Variants in SPATA25 observed in about 807,000 individuals in gnomAD.
SPATA25 encodes the protein spermatogenesis-associated protein 25.
Under a neutral mutation model 16.0 loss-of-function variants are expected in SPATA25, and 16 were observed. That is an observed-to-expected ratio of 1.00 (90% CI 0.68 to 1.52). The LOEUF is 1.52. SPATA25 is among the 40% of genes most tolerant of loss of function. The pLI, the probability that SPATA25 is intolerant of heterozygous loss-of-function variation, is 0.00. For missense variants in SPATA25, 285 were observed against 289.2 expected (o/e 0.99, Z 0.11); for synonymous variants, 115 against 118.5 (o/e 0.97, Z 0.19).
At chr20:45,889,275 A>G (rs916909421), upstream of SPATA25, among the ~76,000 whole-genome samples, 3 of 152,204 alleles carry the variant, frequency 2.0e-5, no homozygotes, top group Non-Finnish European at 2.9e-5. Flanking sequence ...AGCATTAAGA[A>G]GCTCTCAGTC....
upstream of SPATA25, chr20:45,890,288 G>A (rs2145809105): frequency 1.9e-6 from 3 of 1,613,606 alleles, no homozygotes; most frequent in Non-Finnish European, 2.5e-6. Flanking sequence ...GCTCTTTGTG[G>A]AAGCAAACAC....
At chr20:45,888,623 C>A (rs1986574133), upstream of SPATA25, 1 of 799,996 alleles carries the variant, frequency 1.3e-6, no homozygotes, top group Non-Finnish European at 2.0e-6. Flanking sequence ...GGCAAGGAGA[C>A]CTTCCAGTGA....
chr20:45,886,804 G>C lies in SPATA25; in HGVS notation c.397C>G (p.Arg133Gly), dbSNP rs545686793. The C allele has an allele frequency of 6.2e-7, 1 of 1,613,914 alleles. No homozygotes were observed. The highest frequency in any genetic ancestry group is 8.5e-7 in the Non-Finnish European group (1 of 1,180,038). Residue 133 changes from arginine to glycine, a missense_variant, in exon 2 of 2, where the codon CGG (arginine) becomes GGG (glycine). Arg to Gly is a moderately radical substitution (Grantham distance 125). Coordinates refer to ENST00000372519, the MANE Select transcript of SPATA25 (RefSeq NM_080608.4). ...GCCTCAGAGGGTACCGGTAGAACCC[G>C]TGGTGACAGCCCACACAGCATCAGG... ...RPLMLCGLSPRVLPVPSEAVG... is the reference protein window; with the variant it reads ...RPLMLCGLSPGVLPVPSEAVG...
At position 45,886,564 on chromosome 20, in the gene SPATA25, G is replaced by T. The variant is rs1220846937; in HGVS notation, c.637C>A (p.Pro213Thr). Residue 213 changes from proline to threonine, a missense_variant, in exon 2 of 2, where the codon CCC becomes ACC. Transcript: ENST00000372519. The stretch of plus-strand genomic sequence containing the variant: ...TGGCCCCTTTTAGATCTCACTAGGG[G>T]CATCTTCCCAGAGGCTGTGTGGGCA... ...AHAHTASGKM[P>T]LVRSKRGQPP... 12 of 1,606,768 alleles carry T rather than the reference G, an allele frequency of 7.5e-6. No homozygotes were observed. Among genetic ancestry groups the T allele is most frequent in the Non-Finnish European group, 9.4e-6 (11 of 1,175,018 alleles).
chr20:45,890,788 GA>G, upstream of SPATA25: 3 of 1,603,114 alleles, frequency 1.9e-6, no homozygotes, highest in Non-Finnish European at 2.6e-6. Flanking sequence ...CCTCGATCTC[GA>G]CCAGGAAGAC....
chr20:45,888,342 T>TTATTAA (rs1986560545), upstream of SPATA25, among the ~76,000 whole-genome samples: 2 of 152,196 alleles, frequency 1.3e-5, no homozygotes, highest in Admixed American at 1.3e-4. Flanking sequence ...TTATAATATA[T>TTATTAA]GACAAAGTTG....
upstream of SPATA25, chr20:45,890,224 A>G (rs749904784): frequency 6.2e-7 from 1 of 1,613,656 alleles, no homozygotes; most frequent in African/African-American, 1.3e-5. Flanking sequence ...CTGAGCCAGG[A>G]GGGGTCGCTG....
chr20:45,890,168 G>C (rs867317454), upstream of SPATA25: 141 of 1,491,876 alleles, frequency 9.5e-5, no homozygotes, highest in Middle Eastern at 1.7e-4. Flanking sequence ...ACAGACGAAG[G>C]CCTAGCACAT....
chr20:45,888,406 T>C (rs966108407), upstream of SPATA25, among the ~76,000 whole-genome samples: 1 of 152,232 alleles, frequency 6.6e-6, no homozygotes, highest in African/African-American at 2.4e-5. Context: ...TGAGAATCTC[T>C]TGAGAAGCTT....
upstream of SPATA25, among the ~76,000 whole-genome samples, chr20:45,889,534 G>A (rs923043336): frequency 1.3e-5 from 2 of 151,726 alleles, no homozygotes; most frequent in Non-Finnish European, 2.9e-5. Context: ...TTAATTTTTT[G>A]TACAGATGGG....
At position 45,886,683 on chromosome 20, in the gene SPATA25, C is replaced by T. The variant is rs76638086; in HGVS notation, c.518G>A (p.Arg173Gln). ...AGCGGCCCAGATCAGGTCCTCTTCC[C>T]GAACTCCTGGGACGGGCACGGTGGG... ...GIPTVPVPGV[R>Q]EEDLIWAAQA... Residue 173 changes from arginine to glutamine, a missense_variant, in exon 2 of 2, where the codon CGG becomes CAG. Physicochemically the swap from Arg to Gln is conservative, Grantham distance 43 (BLOSUM62 1). Coordinates refer to ENST00000372519, the MANE Select transcript of SPATA25 (RefSeq NM_080608.4). 3.8e-3 allele frequency: 6,126 copies of T among 1,614,142 alleles called. 17 individuals are homozygous for T. Among genetic ancestry groups the T allele is most frequent in the Non-Finnish European group, 4.5e-3 (5,365 of 1,180,036 alleles).
At chr20:45,890,443 C>G (rs748968671), upstream of SPATA25, 9 of 1,608,556 alleles carry the variant, frequency 5.6e-6, no homozygotes, top group Non-Finnish European at 5.9e-6. Flanking sequence ...GGCGCGCGGT[C>G]GGAGGCAGCA....
upstream of SPATA25, chr20:45,890,673 G>A (rs1198267274): frequency 1.2e-6 from 2 of 1,613,738 alleles, no homozygotes; most frequent in Non-Finnish European, 8.5e-7. Context: ...GTGTGGCCCA[G>A]GTTGACCAGA....
rs141125720 is a variant in SPATA25, at chr20:45,887,013, G to A, written c.188C>T (p.Pro63Leu). ...CCTGGCTTGTGGCATTGCCAGGGCT[G>A]GGCCCCAGGCCTGGGCAGCAGGTGC... Reference protein sequence around the residue: ...QVAPAAQAWGPALAMPQARGC... With the variant: ...QVAPAAQAWGLALAMPQARGC... The change falls in exon 2 of 2, where the codon CCA becomes CTA. Residue 63 changes from proline to leucine, a missense_variant. By Grantham distance (98) the Pro-to-Leu change is moderately conservative. Coordinates refer to ENST00000372519, the MANE Select transcript of SPATA25 (RefSeq NM_080608.4). 13 of 1,613,254 alleles carry A rather than the reference G, an allele frequency of 8.1e-6. No homozygotes were observed. In the African/African-American group the frequency reaches 1.7e-4, roughly 22 times the overall value.
At position 45,887,531 on chromosome 20, in the gene SPATA25, C is replaced by T. The variant is rs201126656; in HGVS notation, c.55+5G>A. 172 of 1,613,356 alleles carry T rather than the reference C, an allele frequency of 1.1e-4. No individual in the cohort carries two copies. In the East Asian group the frequency reaches 1.9e-3, roughly 18 times the overall value. On this transcript the variant is annotated splice_donor_5th_base_variant and intron_variant, in intron 1 of 1. Coordinates refer to ENST00000372519, the MANE Select transcript of SPATA25 (RefSeq NM_080608.4). ...TCCCTCCAATTGCAGGTGCCCCCCG[C>T]TCACCTTGGCCGGAAGGCAGAGGAC...
chr20:45,888,164 C>G (rs1358721328), upstream of SPATA25, among the ~76,000 whole-genome samples: 1 of 152,094 alleles, frequency 6.6e-6, no homozygotes, highest in East Asian at 1.9e-4. Flanking sequence ...ACTACAGGAA[C>G]CTGCCACCAC....
rs1052343188 is a variant in SPATA25, at chr20:45,886,611, C to T, written c.590G>A (p.Gly197Glu). The stretch of plus-strand genomic sequence containing the variant: ...GGCATGTGCCTGCTCCCACCGCGCC[C>T]CCTCCACAGCACCCTCTGGCTCCGG... ...AHPEPEGAVE[G>E]ARWEQAHAHT... Residue 197 changes from glycine (G) to glutamate (E), a missense_variant, in exon 2 of 2, where the codon GGG (glycine) becomes GAG (glutamate). Transcript: ENST00000372519. The T allele has an allele frequency of 1.2e-6, 2 of 1,613,890 alleles. No homozygotes were observed. The highest frequency in any genetic ancestry group is 2.7e-5 in the African/African-American group (2 of 74,958).
At chr20:45,890,336 C>T (rs986305470), upstream of SPATA25, 3 of 1,613,110 alleles carry the variant, frequency 1.9e-6, no homozygotes, top group South Asian at 1.1e-5. Flanking sequence ...AGCTGGCAGT[C>T]CCCGGGCGCT....
rs1046404727 is a variant in SPATA25, at chr20:45,886,869, C to T, written c.332G>A (p.Ser111Asn). Residue 111 changes from serine (S) to asparagine (N), a missense_variant, in exon 2 of 2, where the codon AGC (serine) becomes AAC (asparagine). By Grantham distance (46) the Ser-to-Asn change is conservative. Coordinates refer to ENST00000372519, the MANE Select transcript of SPATA25 (RefSeq NM_080608.4). ...SLGWDNGYSR[S>N]RAPDLGGPSR... ...GGGGCCACCCAGGTCAGGGGCTCTG[C>T]TTCTGGAGTAGCCATTGTCCCAGCC... 4.3e-6 allele frequency: 7 copies of T among 1,613,920 alleles called. No homozygotes were observed. The highest frequency in any genetic ancestry group is 1.3e-5 in the African/African-American group (1 of 74,948).
Sources: allele counts gnomAD v4.1 joint callset (sites outside exome capture counted in the v4.1 genomes callset), GRCh38; gene constraint gnomAD v4.1.1; transcripts MANE v1.5; gene names NCBI Gene and HGNC (gene_info 2026-07-23, HGNC 2026-07-21).